PATJ: variants seen among roughly 807,000 people sequenced by gnomAD.
The protein encoded by PATJ is inaD-like protein.
In PATJ, 190 loss-of-function variants were observed where a neutral mutation model predicts 224.9. That is an observed-to-expected ratio of 0.84 (90% confidence interval 0.75 to 0.95). PATJ has a LOEUF of 0.95. PATJ is among the 40% of genes least tolerant of loss of function. The pLI, the probability that PATJ is intolerant of heterozygous loss-of-function variation, is 0.00. For missense variants in PATJ, 2,121 were observed against 2,270.3 expected (o/e 0.93, Z 1.34); for synonymous variants, 769 against 820.3 (o/e 0.94, Z 1.07).
chr1:61,914,913 T>C (rs964600627), intron 26 of PATJ, among the ~76,000 whole-genome samples: 2 of 152,222 alleles, frequency 1.3e-5, no homozygotes, highest in East Asian at 3.8e-4. Context: ...ATTTCTTTCC[T>C]GTTCAGACAG....
chr1:61,784,977 G>T (rs11207836), intron 7 of PATJ, among the ~76,000 whole-genome samples: 5,148 of 152,188 alleles, frequency 0.034, 268 homozygotes, highest in African/African-American at 0.11. Context: ...CCTTCTAGTG[G>T]CTTCTGCAGC....
rs114116803 is a variant in PATJ, at chr1:61,791,897, T to G, written c.1168+450T>G. On this transcript the variant is annotated intron_variant, in intron 9 of 43. Coordinates refer to ENST00000642238, the MANE Select transcript of PATJ (RefSeq NM_001350145.3). ...CTATTTTCTTTTCATGTGAAAGAAA[T>G]AAACTATGAGAATAAGTACACAATT... Among the ~76,000 whole-genome samples, 1,036 of 152,140 alleles carry G rather than the reference T, an allele frequency of 6.8e-3. 8 individuals are homozygous for G. The highest frequency in any genetic ancestry group is 0.024 in the African/African-American group (993 of 41,512).
At chr1:61,985,986 A>C (rs1424087858) in intron 27 of PATJ, among the ~76,000 whole-genome samples, 4 of 152,006 alleles carry the variant, frequency 2.6e-5, no homozygotes, top group Non-Finnish European at 5.9e-5. Flanking sequence ...AGGCATTTTT[A>C]GGCAACATCC....
At chr1:62,078,691 A>C (rs1658743602) in intron 31 of PATJ, 1 of 152,378 alleles carries the variant, frequency 6.6e-6, no homozygotes, top group South Asian at 2.1e-4. Context: ...CTGTACCTTC[A>C]CTGAATTGCA....
chr1:62,044,596 C>A (rs1652170614), intron 30 of PATJ, among the ~76,000 whole-genome samples: 4 of 152,170 alleles, frequency 2.6e-5, no homozygotes, highest in Admixed American at 2.0e-4. Flanking sequence ...AGAATATCTT[C>A]AATACAAACA....
intron 27 of PATJ, chr1:61,952,253 T>TGAGAGGGAGAGAGA (rs1553218398): frequency 1.7e-5 from 8 of 475,082 alleles, no homozygotes; most frequent in Non-Finnish European, 2.7e-5. Context: ...GAACAAAATC[T>TGAGAGGGAGAGAGA]GAGAGAGAGA....
intron 35 of PATJ, 71 bp from the exon 36 acceptor site, chr1:62,116,461 T>TCA (rs763060813): frequency 2.1e-5 from 31 of 1,506,252 alleles, no homozygotes; most frequent in Middle Eastern, 3.9e-4. Flanking sequence ...GTGCATCCTG[T>TCA]CACACACACA....
At chr1:61,991,850 TGGTA>T (rs1645080539) in intron 28 of PATJ, 11 of 523,188 alleles carry the variant, frequency 2.1e-5, no homozygotes, top group Admixed American at 1.3e-4. Context: ...AAAGTGATGC[TGGTA>T]GTAAAAATGA....
chr1:61,829,223 A>G (rs1658880237), intron 16 of PATJ, among the ~76,000 whole-genome samples: 1 of 152,320 alleles, frequency 6.6e-6, no homozygotes, highest in African/African-American at 2.4e-5. Flanking sequence ...TCTATTTCAT[A>G]GTGTTTTTAG....
At chr1:61,979,015 T>C (rs1644301562) in intron 27 of PATJ, among the ~76,000 whole-genome samples, 2 of 152,080 alleles carry the variant, frequency 1.3e-5, no homozygotes, top group South Asian at 4.1e-4. Context: ...GATGCTTTGA[T>C]AGAGAATTAT....
At chr1:61,900,219 A>G (rs1025714551) in intron 23 of PATJ, among the ~76,000 whole-genome samples, 1 of 152,222 alleles carries the variant, frequency 6.6e-6, no homozygotes, top group Non-Finnish European at 1.5e-5. Context: ...TCCATTATTA[A>G]TGGATATCTC....
rs201639193 is a variant in PATJ, at chr1:62,148,289, A to G, written c.5277A>G (p.Val1759=). The G allele has an allele frequency of 6.2e-7, 1 of 1,612,144 alleles. No individual in the cohort carries two copies. Among genetic ancestry groups the G allele is most frequent in the Non-Finnish European group, 8.5e-7 (1 of 1,178,576 alleles). The change falls in exon 42 of 44, where the codon GTA becomes GTG. Residue 1759 remains valine (V), a synonymous_variant. Coordinates refer to ENST00000642238, the MANE Select transcript of PATJ (RefSeq NM_001350145.3). ...NAYGRIILQV[V]ADTNISAIAA... ...TTTTTTCACTTTTTCCCCAGGTTGT[A>G]GCAGATACCAATATAAGCGCCATAG...
chr1:61,948,887 A>C (rs1343012990), intron 27 of PATJ, among the ~76,000 whole-genome samples: 2 of 152,156 alleles, frequency 1.3e-5, no homozygotes, highest in African/African-American at 4.8e-5. Context: ...TGCAGCCATA[A>C]AAAAGGAGAA....
intron 6 of PATJ, among the ~76,000 whole-genome samples, chr1:61,774,396 T>C (rs1053784193): frequency 1.3e-5 from 2 of 152,234 alleles, no homozygotes; most frequent in Admixed American, 6.5e-5. Context: ...ACATTTCTTA[T>C]AGAAACCTGC....
At chr1:61,846,828 G>C (rs547873162) in intron 17 of PATJ, among the ~76,000 whole-genome samples, 1 of 152,274 alleles carries the variant, frequency 6.6e-6, no homozygotes, top group East Asian at 1.9e-4. Flanking sequence ...CGAACTCCTT[G>C]TCTCAAGTGA....
intron 43 of PATJ, among the ~76,000 whole-genome samples, chr1:62,160,104 C>A (rs976588259): frequency 6.6e-6 from 1 of 152,010 alleles, no homozygotes; most frequent in Non-Finnish European, 1.5e-5. Flanking sequence ...GAAACAGTTA[C>A]CCCTACAGAT....
intron 31 of PATJ, among the ~76,000 whole-genome samples, chr1:62,077,924 G>A (rs1172099404): frequency 1.3e-5 from 2 of 152,216 alleles, no homozygotes; most frequent in African/African-American, 4.8e-5. Flanking sequence ...TGTCGGGGTT[G>A]TTCATGTGAT....
At chr1:61,818,487 G>A (rs1000708299) in intron 14 of PATJ, among the ~76,000 whole-genome samples, 4 of 152,208 alleles carry the variant, frequency 2.6e-5, no homozygotes, top group African/African-American at 9.6e-5. Context: ...TGAAATGCTT[G>A]ATTTGTTTAG....
intron 11 of PATJ, 123 bp from the exon 12 acceptor site, chr1:61,801,500 G>T (rs1440732571): frequency 3.9e-6 from 2 of 516,984 alleles, no homozygotes; most frequent in South Asian, 5.9e-5. Context: ...ATTTAATAAG[G>T]TTGTGAAATG....
Sources: allele counts gnomAD v4.1 joint callset (sites outside exome capture counted in the v4.1 genomes callset), GRCh38; gene constraint gnomAD v4.1.1; transcripts MANE v1.5; gene names NCBI Gene and HGNC (gene_info 2026-07-23, HGNC 2026-07-21).